Variants in UBE4B observed in about 807,000 individuals in gnomAD.
UBE4B encodes ubiquitination factor E4B, also known as ubiquitin conjugation factor E4 B.
Under a neutral mutation model 148.1 loss-of-function variants are expected in UBE4B, and 27 were observed. The observed-to-expected ratio is 0.18, with a 90% confidence interval of 0.13 to 0.25. The LOEUF (loss-of-function observed/expected upper bound fraction) is 0.25. Among genes scored for constraint, UBE4B ranks in the 10% least tolerant of loss-of-function variants. The probability of loss-of-function intolerance (pLI) is 1.00; values close to 1 mark genes in which losing one functional copy is unlikely to be tolerated. For missense variants in UBE4B, 1,170 were observed against 1,662.4 expected (o/e 0.70, Z 5.15); for synonymous variants, 596 against 619.3 (o/e 0.96, Z 0.56).
chr1:10,102,808 TA>T lies in UBE4B; in HGVS notation c.436-138del, dbSNP rs1352348930. On this transcript the variant is annotated intron_variant, in intron 4 of 27. Coordinates refer to ENST00000343090, the MANE Select transcript of UBE4B (RefSeq NM_001105562.3). ...TATAGGAATAGGCTTACTTTTCCCC[TA>T]ATCAGTGGGTGAATGGTTTCATGCA... 5 of 866,496 alleles carry T rather than the reference TA, an allele frequency of 5.8e-6. No individual in the cohort carries two copies. The African/African-American group carries it at 8.4e-5, about 15-fold the overall frequency. 53.7% of individuals were successfully genotyped at this position (866,496 alleles called of 1,614,324 possible). A position where few individuals can be genotyped will look rare whatever the true frequency, so the allele number is the denominator to read the frequency against.
chr1:10,129,348 G>A (rs761777175), intron 11 of UBE4B, 44 bp from the exon 12 acceptor site: 9 of 1,568,476 alleles, frequency 5.7e-6, no homozygotes, highest in Non-Finnish European at 5.3e-6. Context: ...ATGACAGTCA[G>A]TTTAAGATGA....
At position 10,095,474 on chromosome 1, in the gene UBE4B, A is replaced by T; in HGVS notation, c.225A>T (p.Arg75=). 1 of 1,614,126 alleles carries T rather than the reference A, an allele frequency of 6.2e-7. No homozygotes were observed. The highest frequency in any genetic ancestry group is 8.5e-7 in the Non-Finnish European group (1 of 1,180,018). ...TTTTCTGTTTAGGAGTAGCCCATCG[A>T]AGCCAGAGCAGTGAAGGAGTCAGTT... is the stretch of plus-strand genomic sequence containing the variant. ...SPIGASGVAH[R]SQSSEGVSSL... is the part of the protein sequence containing the mutation. Residue 75 remains arginine (R), a synonymous_variant, in exon 3 of 28, where the codon CGA becomes CGT. Coordinates refer to ENST00000343090, the MANE Select transcript of UBE4B (RefSeq NM_001105562.3).
chr1:10,087,714 C>T (rs1158713811), intron 2 of UBE4B, among the ~76,000 whole-genome samples: 1 of 152,194 alleles, frequency 6.6e-6, no homozygotes, highest in Non-Finnish European at 1.5e-5. Context: ...TAAACATCAT[C>T]ACATGCTTGA....
intron 1 of UBE4B, among the ~76,000 whole-genome samples, chr1:10,040,527 A>G (rs1171870269): frequency 2.0e-5 from 3 of 151,770 alleles, no homozygotes; most frequent in Non-Finnish European, 4.4e-5. Flanking sequence ...CTGAGATTGC[A>G]AGTTTAATTT....
chr1:10,039,558 T>G (rs1643677752), intron 1 of UBE4B, among the ~76,000 whole-genome samples: 1 of 151,864 alleles, frequency 6.6e-6, no homozygotes, highest in East Asian at 1.9e-4. Context: ...GCCTCCCAAG[T>G]AGCTGGGATT....
intron 7 of UBE4B, among the ~76,000 whole-genome samples, chr1:10,113,305 A>G (rs1175940915): frequency 6.6e-6 from 1 of 152,208 alleles, no homozygotes; most frequent in African/African-American, 2.4e-5. Context: ...TTGCTAAGGC[A>G]TTGGTGAGGG....
At chr1:10,162,092 C>T (rs12087114) in intron 23 of UBE4B, among the ~76,000 whole-genome samples, 11,211 of 151,780 alleles carry the variant, frequency 0.074, 718 homozygotes, top group African/African-American at 0.17. Flanking sequence ...CCCGCTTCTC[C>T]GGTTGAAGCG....
rs544078444 is a variant in UBE4B, at chr1:10,033,302, C to G, written c.-369C>G. On this transcript the variant is annotated 5_prime_UTR_variant, in exon 1 of 28. Transcript: ENST00000343090. ...GAACGCAGCTACCGCGCCACTATCA[C>G]GAAGAAACAGCAGGCTCGGGGCACG... is the stretch of plus-strand genomic sequence containing the variant. The G allele has an allele frequency of 3.1e-5, 6 of 192,618 alleles. No individual in the cohort carries two copies. The highest frequency in any genetic ancestry group is 1.4e-4 in the African/African-American group (6 of 43,278). 11.9% of individuals were successfully genotyped at this position (192,618 alleles called of 1,614,324 possible). A position where few individuals can be genotyped will look rare whatever the true frequency, so the allele number is the denominator to read the frequency against.
intron 8 of UBE4B, among the ~76,000 whole-genome samples, chr1:10,119,135 C>A (rs988905794): frequency 2.0e-5 from 3 of 151,984 alleles, no homozygotes; most frequent in African/African-American, 2.4e-5. Context: ...CCCTTCTTGG[C>A]CTCCCAAAGT....
Position 10,170,843 on chromosome 1 carries a change from A to G in UBE4B, c.3334-295A>G, listed in dbSNP as rs1354068976. On this transcript the variant is annotated intron_variant, in intron 24 of 27. Coordinates refer to ENST00000343090, the MANE Select transcript of UBE4B (RefSeq NM_001105562.3). ...TGTTTCTCAATGAATTTGGAGTGATACTTTTTTTAATTAAAAGCATAAATG... is the reference window on the plus strand; with the variant it reads ...TGTTTCTCAATGAATTTGGAGTGATGCTTTTTTTAATTAAAAGCATAAATG... 4.0e-5 allele frequency: 9 copies of G among 224,764 alleles called. No homozygotes were observed. In the Admixed American group the frequency reaches 5.1e-4, roughly 13 times the overall value. The allele number at this position is 224,764 out of a possible 1,614,324, so 13.9% of individuals were successfully genotyped here.
At chr1:10,102,391 C>CTTTTTTTTTTTTTTT (rs33997625) in intron 4 of UBE4B, among the ~76,000 whole-genome samples, 1 of 51,566 alleles carries the variant, frequency 1.9e-5, no homozygotes, top group African/African-American at 6.1e-5. Context: ...TGACTTTGCT[C>CTTTTTTTTTTTTTTT]TTTTTTTTTT....
intron 4 of UBE4B, 46 bp downstream of exon 4, chr1:10,101,241 C>A: frequency 1.9e-6 from 3 of 1,574,370 alleles, no homozygotes; most frequent in South Asian, 2.2e-5. Context: ...GAAATAAACA[C>A]ATTTCATGTC....
At position 10,161,807 on chromosome 1, in the gene UBE4B, C is replaced by T. The variant is rs143434517; in HGVS notation, c.3198+521C>T. 6.6e-6 allele frequency among the ~76,000 whole-genome samples: 1 copy of T among 152,262 alleles called. No individual in the cohort carries two copies. The highest frequency in any genetic ancestry group is 1.9e-4 in the East Asian group (1 of 5,176). ...CACGTGCCGTGCCAGTACCAGTGCT[C>T]TTTCCTGACGTGCGTAGCAGCCACT... is the stretch of plus-strand genomic sequence containing the variant. On this transcript the variant is annotated intron_variant, in intron 23 of 27. Coordinates refer to ENST00000343090, the MANE Select transcript of UBE4B (RefSeq NM_001105562.3). This position sits in a 1 kb window ranked among gnomAD's most constrained non-coding sequence, Gnocchi z 4.1.
At chr1:10,135,865 A>G (rs2101954469) in intron 16 of UBE4B, among the ~76,000 whole-genome samples, 1 of 152,270 alleles carries the variant, frequency 6.6e-6, no homozygotes, top group Non-Finnish European at 1.5e-5. Context: ...TATTTAATCA[A>G]TTTATTTAAC....
Position 10,147,105 on chromosome 1 carries a change from TCC to T in UBE4B, c.2591+16_2591+17del. The T allele has an allele frequency of 6.2e-7, 1 of 1,614,126 alleles. No individual in the cohort carries two copies. Among genetic ancestry groups the T allele is most frequent in the South Asian group, 1.1e-5 (1 of 91,078 alleles). ...GCATATCCCGAGTGAGTGTGCTTCT[TCC>T]TGTTTCCCTTGTCCCTCCTTGGCTG... is the stretch of plus-strand genomic sequence containing the variant. On this transcript the variant is annotated intron_variant, in intron 19 of 27. Transcript: ENST00000343090.
intron 1 of UBE4B, among the ~76,000 whole-genome samples, chr1:10,037,545 G>A (rs533627256): frequency 3.6e-4 from 54 of 152,100 alleles, no homozygotes; most frequent in African/African-American, 1.3e-3. Context: ...ATCTCAAGGT[G>A]GTGCTGTGAG....
intron 11 of UBE4B, among the ~76,000 whole-genome samples, chr1:10,128,151 A>G (rs893573682): frequency 3.3e-5 from 5 of 152,214 alleles, no homozygotes; most frequent in African/African-American, 1.2e-4. Context: ...AACACTAATT[A>G]TCACCATATT....
At chr1:10,115,360 C>T (rs1027781903) in intron 7 of UBE4B, among the ~76,000 whole-genome samples, 1 of 151,692 alleles carries the variant, frequency 6.6e-6, no homozygotes, top group South Asian at 2.1e-4. Context: ...CTCTGCCTCC[C>T]GGGATTTAAG....
chr1:10,033,011 AG>A lies in UBE4B; in HGVS notation c.-655del, dbSNP rs1363711791. On this transcript the variant is annotated 5_prime_UTR_variant, in exon 1 of 28. It introduces an in-frame stop codon into an upstream open reading frame of the 5' UTR. Transcript: ENST00000343090. ...TTGATGAATAATACTTGGTGGGGCG[AG>A]GGGGAAAGAGTAGGGGTGGAGGGGT... 1 of 150,602 alleles carries A rather than the reference AG, an allele frequency of 6.6e-6. No homozygotes were observed. The highest frequency in any genetic ancestry group is 1.5e-5 in the Non-Finnish European group (1 of 67,694). The allele number at this position is 150,602 out of a possible 1,614,324, so 9.3% of individuals were successfully genotyped here. A position where few individuals can be genotyped will look rare whatever the true frequency, so the allele number is the denominator to read the frequency against.
Sources: allele counts gnomAD v4.1 joint callset (sites outside exome capture counted in the v4.1 genomes callset), GRCh38; gene constraint gnomAD v4.1.1; non-coding constraint Gnocchi (gnomAD v3.1); transcripts MANE v1.5; gene names NCBI Gene and HGNC (gene_info 2026-07-23, HGNC 2026-07-21).